Variants in SLC24A3 observed in about 807,000 individuals in gnomAD.
SLC24A3 encodes the protein sodium/potassium/calcium exchanger 3.
A neutral mutation model predicts 75.8 loss-of-function variants in SLC24A3; 28 were observed. That is an observed-to-expected ratio of 0.37 (90% CI 0.27 to 0.51). The LOEUF (loss-of-function observed/expected upper bound fraction) is 0.51, where lower values mean the gene tolerates loss of function less well. SLC24A3 is among the 20% of genes least tolerant of loss of function. The pLI is 0.94. For synonymous variants in SLC24A3, 372 were observed against 334.1 expected (o/e 1.11, Z -1.24); for missense variants, 663 against 847.8 (o/e 0.78, Z 2.71).
chr20:19,512,494 C>T (rs2029901740), intron 2 of SLC24A3, among the ~76,000 whole-genome samples: 1 of 152,226 alleles, frequency 6.6e-6, no homozygotes, highest in African/African-American at 2.4e-5. Context: ...AAACCTCCTC[C>T]ACCAGAGAAC....
intron 8 of SLC24A3, among the ~76,000 whole-genome samples, chr20:19,666,150 G>A (rs118082153): frequency 0.029 from 4,442 of 152,156 alleles, 125 homozygotes; most frequent in Non-Finnish European, 0.037. Flanking sequence ...TCCTATGTCT[G>A]GACATCATGG....
chr20:19,563,403 A>G (rs1042197879), intron 3 of SLC24A3, among the ~76,000 whole-genome samples: 7 of 152,170 alleles, frequency 4.6e-5, no homozygotes, highest in African/African-American at 1.7e-4. Flanking sequence ...ATAACAATGA[A>G]AGGAAAATGG....
At chr20:19,531,372 G>A (rs1222949207) in intron 3 of SLC24A3, among the ~76,000 whole-genome samples, 1 of 152,210 alleles carries the variant, frequency 6.6e-6, no homozygotes, top group African/African-American at 2.4e-5. Flanking sequence ...AAAGAAACAT[G>A]GCATGTGGAA....
chr20:19,226,494 A>G (rs1220120475), intron 1 of SLC24A3, among the ~76,000 whole-genome samples: 5 of 152,206 alleles, frequency 3.3e-5, no homozygotes, highest in Admixed American at 2.0e-4. Context: ...TTGGTGGGTC[A>G]TGCTTTTTAA....
chr20:19,461,747 G>T (rs951146047), intron 2 of SLC24A3, among the ~76,000 whole-genome samples: 1 of 152,018 alleles, frequency 6.6e-6, no homozygotes. Flanking sequence ...TGGCCAGGCT[G>T]GTCTCGAACT....
At chr20:19,397,318 CA>C (rs1477536023) in intron 2 of SLC24A3, among the ~76,000 whole-genome samples, 1 of 152,170 alleles carries the variant, frequency 6.6e-6, no homozygotes, top group East Asian at 1.9e-4. Context: ...TGTTGTACAT[CA>C]TAACCAGTTA....
Position 19,490,403 on chromosome 20 carries a change from A to T in SLC24A3, c.272-25085A>T, listed in dbSNP as rs532289010. ...AAGAGAGAGGCAGTCAGCACCCAAG[A>T]GTCCCACTGGCCTCCTTTGTTACCG... On this transcript the variant is annotated intron_variant, in intron 2 of 16. Transcript: ENST00000328041. Among the ~76,000 whole-genome samples, 119 of 152,330 alleles carry T rather than the reference A, an allele frequency of 7.8e-4. 2 individuals are homozygous for T. Among genetic ancestry groups the T allele is most frequent in the Admixed American group, 2.2e-3 (33 of 15,298 alleles).
chr20:19,612,494 T>C (rs1011469982), intron 6 of SLC24A3, among the ~76,000 whole-genome samples: 2 of 152,198 alleles, frequency 1.3e-5, no homozygotes, highest in Non-Finnish European at 2.9e-5. Flanking sequence ...CGTTAAGCAT[T>C]GTATACATGT....
chr20:19,510,643 A>C (rs78165786), intron 2 of SLC24A3, among the ~76,000 whole-genome samples: 1 of 152,184 alleles, frequency 6.6e-6, no homozygotes, highest in Non-Finnish European at 1.5e-5. Flanking sequence ...CATGAGATTA[A>C]TGTCCAAATA....
chr20:19,462,002 C>A (rs79463645), intron 2 of SLC24A3, among the ~76,000 whole-genome samples: 3,646 of 152,294 alleles, frequency 0.024, 133 homozygotes, highest in African/African-American at 0.084. Flanking sequence ...GGTCTTAAAT[C>A]ATTTTTTTCT....
chr20:19,277,186 A>G (rs1983514316), intron 1 of SLC24A3, among the ~76,000 whole-genome samples: 1 of 152,240 alleles, frequency 6.6e-6, no homozygotes, highest in Non-Finnish European at 1.5e-5. Context: ...TCATTCTGCT[A>G]CTTGCTCACT....
chr20:19,253,348 G>C (rs560155507), intron 1 of SLC24A3, among the ~76,000 whole-genome samples: 2 of 152,290 alleles, frequency 1.3e-5, no homozygotes, highest in South Asian at 4.1e-4. Context: ...TTAGACTCTG[G>C]GGTCTGATGA....
chr20:19,316,900 G>A (rs1984600991), intron 2 of SLC24A3, among the ~76,000 whole-genome samples: 1 of 152,162 alleles, frequency 6.6e-6, no homozygotes, highest in African/African-American at 2.4e-5. Flanking sequence ...ATAGGTAAAT[G>A]TGTGCCATTG....
chr20:19,279,511 T>C (rs976552513), intron 1 of SLC24A3, among the ~76,000 whole-genome samples: 1 of 152,228 alleles, frequency 6.6e-6, no homozygotes, highest in Non-Finnish European at 1.5e-5. Flanking sequence ...CCTTCCTTCC[T>C]GAAATTCTCT....
chr20:19,521,258 C>T (rs1372940731), intron 3 of SLC24A3, among the ~76,000 whole-genome samples: 1 of 152,286 alleles, frequency 6.6e-6, no homozygotes, highest in Non-Finnish European at 1.5e-5. Context: ...TTCAGTACCT[C>T]CCGGCACTGG....
intron 2 of SLC24A3, among the ~76,000 whole-genome samples, chr20:19,431,101 G>A (rs1280237771): frequency 6.6e-6 from 1 of 152,088 alleles, no homozygotes; most frequent in East Asian, 1.9e-4. Flanking sequence ...GATGCTAACT[G>A]GCTGGTTGGC....
At chr20:19,573,117 G>T (rs2031078944) in intron 3 of SLC24A3, among the ~76,000 whole-genome samples, 1 of 152,196 alleles carries the variant, frequency 6.6e-6, no homozygotes, top group African/African-American at 2.4e-5. Flanking sequence ...GAGTGCAGAT[G>T]ATGTAGTAAA....
intron 2 of SLC24A3, among the ~76,000 whole-genome samples, chr20:19,407,067 T>C (rs757484883): frequency 3.9e-5 from 6 of 152,144 alleles, no homozygotes; most frequent in Non-Finnish European, 8.8e-5. Context: ...ATCTGTGAGG[T>C]TGGGATCCAG....
chr20:19,648,326 CA>C (rs1276196394), intron 6 of SLC24A3, among the ~76,000 whole-genome samples: 1 of 152,180 alleles, frequency 6.6e-6, no homozygotes, highest in Non-Finnish European at 1.5e-5. Flanking sequence ...AAGCTTGGAA[CA>C]AAACTCATGA....
Sources: allele counts gnomAD v4.1 joint callset (sites outside exome capture counted in the v4.1 genomes callset), GRCh38; gene constraint gnomAD v4.1.1; transcripts MANE v1.5; gene names NCBI Gene and HGNC (gene_info 2026-07-23, HGNC 2026-07-21).